Variants in SLC2A9 observed in about 807,000 individuals in gnomAD.
SLC2A9 encodes the protein solute carrier family 2, facilitated glucose transporter member 9.
A neutral mutation model predicts 50.6 loss-of-function variants in SLC2A9; 39 were observed. That is an observed-to-expected ratio of 0.77 (90% CI 0.60 to 1.01). The LOEUF is 1.01. SLC2A9 is among the 50% of genes least tolerant of loss of function. The pLI is 0.00. For missense variants in SLC2A9, 686 were observed against 677.6 expected (o/e 1.01, Z -0.14); for synonymous variants, 324 against 276.9 (o/e 1.17, Z -1.69).
At chr4:9,932,848 G>A (rs1746386789) in intron 6 of SLC2A9, among the ~76,000 whole-genome samples, 2 of 152,214 alleles carry the variant, frequency 1.3e-5, no homozygotes, top group Non-Finnish European at 2.9e-5. Flanking sequence ...TCCCATGCTA[G>A]CAGAGTCCTG....
In SLC2A9 at chr4:9,986,555, A is replaced by C. The variant is rs371653051; in HGVS notation, c.411-762T>G. ...TGGAGCTAGGAGACAACAGCTTGAC[A>C]ACCAGCATAGCGTTCTACAACTTTT... On this transcript the variant is annotated intron_variant, in intron 3 of 11. Coordinates refer to ENST00000264784, the MANE Select transcript of SLC2A9 (RefSeq NM_020041.3). Among the ~76,000 whole-genome samples, 4 of 152,232 alleles carry C rather than the reference A, an allele frequency of 2.6e-5. No homozygotes were observed. The South Asian group carries it at 8.3e-4, about 32-fold the overall frequency.
chr4:10,017,061 G>A lies in SLC2A9; in HGVS notation c.249+1914C>T, dbSNP rs150504446. Among the ~76,000 whole-genome samples the A allele has an allele frequency of 7.9e-3, 1,201 of 152,242 alleles. 39 individuals are homozygous for A. Among genetic ancestry groups the A allele is most frequent in the East Asian group, 0.073 (380 of 5,182 alleles). ...AGCTCCCCACCTCCCTTTGACACCT[G>A]TGGAAATTCTACACATCCCTCATGA... On this transcript the variant is annotated intron_variant, in intron 2 of 11. Transcript: ENST00000264784.
Position 9,906,224 on chromosome 4 carries a change from C to T in SLC2A9, c.1113+2011G>A, listed in dbSNP as rs186231500. On this transcript the variant is annotated intron_variant, in intron 8 of 11. Coordinates refer to ENST00000264784, the MANE Select transcript of SLC2A9 (RefSeq NM_020041.3). ...TGCTGAATAACTTACTTGGGGGTCA[C>T]GCGGCTAATAAAAAGACACAGAGCT... Among the ~76,000 whole-genome samples, 10 of 152,150 alleles carry T rather than the reference C, an allele frequency of 6.6e-5. No homozygotes were observed. The East Asian group carries it at 7.7e-4, about 12-fold the overall frequency.
chr4:9,992,048 CA>C (rs1560450417), intron 3 of SLC2A9, among the ~76,000 whole-genome samples: 2 of 152,128 alleles, frequency 1.3e-5, no homozygotes, highest in African/African-American at 4.8e-5. Context: ...ATGATGAAAG[CA>C]AAAATAGTCC....
At chr4:9,809,226 C>T (rs1033688338) in intron 3 of SLC2A9, among the ~76,000 whole-genome samples, 3 of 152,074 alleles carry the variant, frequency 2.0e-5, no homozygotes, top group Admixed American at 1.3e-4. Flanking sequence ...ATAATCCCAG[C>T]CTGGAAGTTT....
intron 6 of SLC2A9, among the ~76,000 whole-genome samples, chr4:9,937,650 G>A (rs1560341189): frequency 6.6e-6 from 1 of 152,098 alleles, no homozygotes; most frequent in Non-Finnish European, 1.5e-5. Context: ...TCATTGACAA[G>A]GGCAAGCATG....
At chr4:9,783,109 C>G (rs1472626950) in intron 3 of SLC2A9, 1 of 1,614,244 alleles carries the variant, frequency 6.2e-7, no homozygotes, top group Non-Finnish European at 8.5e-7. Flanking sequence ...TCATCTATGC[C>G]TTCAACGCCG....
intron 10 of SLC2A9, among the ~76,000 whole-genome samples, chr4:9,867,815 A>G (rs556012580): frequency 2.0e-5 from 3 of 152,316 alleles, no homozygotes; most frequent in Admixed American, 2.0e-4. Flanking sequence ...CTGAGATCTA[A>G]TGGACTGCCC....
chr4:9,972,072 A>G (rs934577972), intron 5 of SLC2A9, among the ~76,000 whole-genome samples: 1 of 152,190 alleles, frequency 6.6e-6, no homozygotes, highest in African/African-American at 2.4e-5. Context: ...ACTATGGCAC[A>G]CCTATGCCAA....
At chr4:9,955,924 C>T (rs1338667127) in intron 5 of SLC2A9, among the ~76,000 whole-genome samples, 3 of 120,816 alleles carry the variant, frequency 2.5e-5, no homozygotes, top group Admixed American at 1.1e-4. Flanking sequence ...GTTGCCCAGG[C>T]TGGAGTGTAG....
chr4:10,039,571 C>A (rs1482223971), intron 1 of SLC2A9, among the ~76,000 whole-genome samples: 1 of 152,192 alleles, frequency 6.6e-6, no homozygotes, highest in Admixed American at 6.5e-5. Flanking sequence ...ATCCTCCTCG[C>A]TGCCTTCCTT....
chr4:9,890,012 C>A (rs773568431), intron 9 of SLC2A9, among the ~76,000 whole-genome samples: 3 of 152,216 alleles, frequency 2.0e-5, no homozygotes, highest in Non-Finnish European at 4.4e-5. Context: ...TCATGGACAT[C>A]CACTGAGTGC....
At chr4:9,795,007 C>CTTTT (rs3060726), downstream of SLC2A9, among the ~76,000 whole-genome samples, 569 of 95,176 alleles carry the variant, frequency 6.0e-3, 25 homozygotes, top group East Asian at 0.033. Flanking sequence ...TTAACCCATC[C>CTTTT]TTTTTTTTTT....
intron 2 of SLC2A9, chr4:10,009,565 G>A (rs961371624): frequency 2.6e-5 from 4 of 152,196 alleles, no homozygotes; most frequent in Non-Finnish European, 5.9e-5. Context: ...CAGAAACCCT[G>A]GGCTTAAATA....
chr4:9,793,102 T>G (rs1720171671), intron 3 of SLC2A9, among the ~76,000 whole-genome samples: 1 of 152,194 alleles, frequency 6.6e-6, no homozygotes, highest in Non-Finnish European at 1.5e-5. Flanking sequence ...TGAAAGACCC[T>G]TTGAGACAGT....
chr4:9,928,539 C>T (rs1745320081), intron 6 of SLC2A9, among the ~76,000 whole-genome samples: 1 of 152,188 alleles, frequency 6.6e-6, no homozygotes, highest in Non-Finnish European at 1.5e-5. Flanking sequence ...TGAGACCAGC[C>T]TGGCCAACGT....
chr4:9,864,399 C>G (rs377457946), intron 10 of SLC2A9, among the ~76,000 whole-genome samples: 13 of 152,362 alleles, frequency 8.5e-5, no homozygotes, highest in African/African-American at 2.9e-4. Flanking sequence ...AAACAGCCTT[C>G]TGCTCTCCAA....
At chr4:9,782,900 G>A in intron 3 of SLC2A9, 2 of 1,613,982 alleles carry the variant, frequency 1.2e-6, no homozygotes, top group Non-Finnish European at 1.7e-6. Flanking sequence ...CATCAAGAAG[G>A]AGACCAAGGT....
At chr4:9,992,768 A>C (rs536061895) in intron 3 of SLC2A9, among the ~76,000 whole-genome samples, 6 of 152,356 alleles carry the variant, frequency 3.9e-5, no homozygotes, top group Admixed American at 2.0e-4. Context: ...ATTGTGAGCC[A>C]AGTAATTCCC....
Sources: allele counts gnomAD v4.1 joint callset (sites outside exome capture counted in the v4.1 genomes callset), GRCh38; gene constraint gnomAD v4.1.1; transcripts MANE v1.5; gene names NCBI Gene and HGNC (gene_info 2026-07-23, HGNC 2026-07-21).